Variants in CUL2 observed in about 807,000 individuals in gnomAD.
CUL2 encodes cullin-2.
A neutral mutation model predicts 110.2 loss-of-function variants in CUL2; 22 were observed. That is an observed-to-expected ratio of 0.20 (90% CI 0.14 to 0.28). The LOEUF (loss-of-function observed/expected upper bound fraction) is 0.28, where lower values mean the gene tolerates loss of function less well. CUL2 is among the 10% of genes least tolerant of loss of function. CUL2 has a pLI of 1.00. For missense variants in CUL2, 631 were observed against 905.5 expected (o/e 0.70, Z 3.89); for synonymous variants, 279 against 293.2 (o/e 0.95, Z 0.49).
At chr10:35,029,706 T>C (rs952667273) in intron 14 of CUL2, 66 bp from the exon 15 acceptor site, 7 of 1,231,374 alleles carry the variant, frequency 5.7e-6, no homozygotes, top group African/African-American at 1.6e-5. Context: ...TGGTTAATAA[T>C]AATGTGTCGG....
intron 5 of CUL2, among the ~76,000 whole-genome samples, chr10:35,051,761 TAA>T (rs2086118638): frequency 6.6e-6 from 1 of 152,252 alleles, no homozygotes; most frequent in African/African-American, 2.4e-5. Context: ...GTTAGTCTGT[TAA>T]AGTTTGTCTT....
At chr10:35,010,477 G>A (rs1343110871) in intron 20 of CUL2, 35 bp from the exon 21 acceptor site, 1 of 1,570,884 alleles carries the variant, frequency 6.4e-7, no homozygotes. Flanking sequence ...ACTACTGCCA[G>A]TTCTTCAGCT....
Position 35,034,815 on chromosome 10 carries a change from G to A in CUL2, c.1002+357C>T, listed in dbSNP as rs79384319. 2.2e-3 allele frequency among the ~76,000 whole-genome samples: 329 copies of A among 152,198 alleles called. 5 individuals are homozygous for A. The East Asian group carries it at 0.025, about 11-fold the overall frequency. On this transcript the variant is annotated intron_variant, in intron 10 of 20. Transcript: ENST00000374749. The stretch of plus-strand genomic sequence containing the variant: ...ATGGAAAGGAGGCAAATTGCAAGTC[G>A]TCTATATTACCACTGATTAATACTA...
intron 10 of CUL2, 133 bp downstream of exon 10, chr10:35,035,039 T>C: frequency 9.2e-7 from 1 of 1,090,876 alleles, no homozygotes; most frequent in Non-Finnish European, 1.3e-6. Context: ...GTTTAAAACA[T>C]TTGAATAAAG....
intron 1 of CUL2, among the ~76,000 whole-genome samples, chr10:35,076,013 T>C (rs1195720436): frequency 6.6e-6 from 1 of 152,160 alleles, no homozygotes; most frequent in African/African-American, 2.4e-5. Context: ...ATAAAGGCCC[T>C]TGAAATAGCT....
chr10:35,035,360 G>GA (rs766031957), intron 9 of CUL2, 64 bp from the exon 10 acceptor site: 1 of 1,553,520 alleles, frequency 6.4e-7, no homozygotes, highest in Non-Finnish European at 8.8e-7. Flanking sequence ...GTAATATATG[G>GA]ATCCAAGTGC....
At chr10:35,081,760 G>A (rs1319015858) in intron 1 of CUL2, among the ~76,000 whole-genome samples, 1 of 152,106 alleles carries the variant, frequency 6.6e-6, no homozygotes, top group Non-Finnish European at 1.5e-5. Context: ...AGGTGTGGTG[G>A]CATGCACCTG....
chr10:35,036,453 T>TG (rs1198067732), intron 9 of CUL2, among the ~76,000 whole-genome samples: 5 of 151,964 alleles, frequency 3.3e-5, no homozygotes, highest in Non-Finnish European at 7.4e-5. Flanking sequence ...GAGGTAAAGC[T>TG]GGGGGGTGGT....
intron 4 of CUL2, among the ~76,000 whole-genome samples, chr10:35,055,101 A>T (rs887925501): frequency 1.3e-5 from 2 of 152,212 alleles, no homozygotes; most frequent in African/African-American, 4.8e-5. Flanking sequence ...AATATATGTG[A>T]TTAACTCAGA....
Position 35,060,945 on chromosome 10 carries a change from T to C in CUL2, c.246A>G (p.Gln82=), listed in dbSNP as rs200223718. 336 of 1,613,762 alleles carry C rather than the reference T, an allele frequency of 2.1e-4. No individual in the cohort carries two copies. The highest frequency in any genetic ancestry group is 2.7e-4 in the Non-Finnish European group (317 of 1,179,892). The change falls in exon 4 of 21, where the codon CAA becomes CAG. Residue 82 remains glutamine, a synonymous_variant. Transcript: ENST00000374749. ...LHKRVLESEE[Q]VLVMYHRYWE... ...AGTACCTATGATACATAACAAGTAC[T>C]TGTTCTTCTGACTCCAAAACTCTCT...
chr10:35,081,650 T>C (rs890096685), intron 1 of CUL2, among the ~76,000 whole-genome samples: 3 of 152,118 alleles, frequency 2.0e-5, no homozygotes, highest in Admixed American at 2.0e-4. Flanking sequence ...TCCCAGCACT[T>C]TGCGAGGCCA....
intron 1 of CUL2, among the ~76,000 whole-genome samples, chr10:35,073,282 G>T (rs1159597104): frequency 6.6e-6 from 1 of 152,144 alleles, no homozygotes; most frequent in African/African-American, 2.4e-5. Context: ...GAGAGTGGAG[G>T]AGGTGGGAGA....
Position 35,071,270 on chromosome 10 carries a change from T to C in CUL2, c.48A>G (p.Lys16=), listed in dbSNP as rs2086670593. The change falls in exon 2 of 21, where the codon AAA becomes AAG. Residue 16 remains lysine (K), a synonymous_variant. Transcript: ENST00000374749. The stretch of plus-strand genomic sequence containing the variant: ...CCACGGCTTTTATTGTCGTCAAAAG[T>C]TTGTTCCATGTTTCATCAAAATCTA... ...RVVDFDETWN[K]LLTTIKAVVM... 1 of 1,614,034 alleles carries C rather than the reference T, an allele frequency of 6.2e-7. No homozygotes were observed.
chr10:35,085,773 TAC>T (rs1303537518), intron 1 of CUL2, among the ~76,000 whole-genome samples: 1 of 146,666 alleles, frequency 6.8e-6, no homozygotes, highest in Non-Finnish European at 1.5e-5. Context: ...TTTTCCAGAA[TAC>T]ACAAAGAACA....
rs151150248 is a variant in CUL2, at chr10:35,035,657, A to C, written c.878-361T>G. On this transcript the variant is annotated intron_variant, in intron 9 of 20. Transcript: ENST00000374749. ...ATTTCTATGTATTTTACAGCTGCAC[A>C]GTACTCCATTATGTGGATATAATTT... Among the ~76,000 whole-genome samples, 16 of 152,366 alleles carry C rather than the reference A, an allele frequency of 1.1e-4. No homozygotes were observed. The East Asian group carries it at 3.1e-3, about 29-fold the overall frequency.
At chr10:35,051,207 C>T (rs1004465370) in intron 5 of CUL2, among the ~76,000 whole-genome samples, 1 of 151,248 alleles carries the variant, frequency 6.6e-6, no homozygotes, top group South Asian at 2.1e-4. Context: ...CCCAGCTATG[C>T]GGGAGGCTGA....
At chr10:35,092,961 G>C (rs998052075), upstream of CUL2, among the ~76,000 whole-genome samples, 48 of 152,134 alleles carry the variant, frequency 3.2e-4, no homozygotes, top group Admixed American at 2.7e-3. Flanking sequence ...GACTTCCCCA[G>C]TTGCTCCTAT....
chr10:35,120,509 C>A (rs906531338), intron 1 of CUL2: 1 of 152,146 alleles, frequency 6.6e-6, no homozygotes, highest in Non-Finnish European at 1.5e-5. Context: ...CTATAACCTA[C>A]AAAATAAGAG....
chr10:35,058,820 T>G (rs1024923863), intron 4 of CUL2, among the ~76,000 whole-genome samples: 2 of 152,160 alleles, frequency 1.3e-5, no homozygotes, highest in Non-Finnish European at 2.9e-5. Context: ...CACAGATGCA[T>G]CTGTGCCTTG....
Sources: allele counts gnomAD v4.1 joint callset (sites outside exome capture counted in the v4.1 genomes callset), GRCh38; gene constraint gnomAD v4.1.1; transcripts MANE v1.5; gene names NCBI Gene and HGNC (gene_info 2026-07-23, HGNC 2026-07-21).